Variants in PPP2R2C observed in about 807,000 individuals in gnomAD.
The protein encoded by PPP2R2C is protein phosphatase 2, regulatory subunit B, gamma.
Under a neutral mutation model 45.3 loss-of-function variants are expected in PPP2R2C, and 10 were observed. The observed-to-expected ratio is 0.22, with a 90% CI of 0.14 to 0.37. The LOEUF is 0.37. Among genes scored for constraint, PPP2R2C ranks in the 10% least tolerant of loss-of-function variants. The pLI, the probability that PPP2R2C is intolerant of heterozygous loss-of-function variation, is 1.00. For synonymous variants in PPP2R2C, 257 were observed against 245.4 expected (o/e 1.05, Z -0.44); for missense variants, 308 against 619.7 (o/e 0.50, Z 5.34).
At chr4:6,524,096 T>G (rs4370214) in intron 2 of PPP2R2C, among the ~76,000 whole-genome samples, 81,123 of 151,654 alleles carry the variant, frequency 0.53, 22,358 homozygotes, top group African/African-American at 0.63. Flanking sequence ...TATTTTTTTT[T>G]TTTTTAGTAG....
chr4:6,464,173 C>T (rs1721474287), intron 1 of PPP2R2C, among the ~76,000 whole-genome samples: 1 of 152,232 alleles, frequency 6.6e-6, no homozygotes, highest in African/African-American at 2.4e-5. Context: ...CACGCAGCCT[C>T]ATGTCCAGCA....
intron 5 of PPP2R2C, among the ~76,000 whole-genome samples, chr4:6,352,747 T>C (rs1712687260): frequency 6.6e-6 from 1 of 152,190 alleles, no homozygotes; most frequent in South Asian, 2.1e-4. Flanking sequence ...CTGCAGTGGG[T>C]TGAATAATGG....
intron 1 of PPP2R2C, among the ~76,000 whole-genome samples, chr4:6,413,606 C>A (rs1039849876): frequency 2.6e-5 from 4 of 152,170 alleles, no homozygotes; most frequent in Non-Finnish European, 5.9e-5. Context: ...AAGACCCGAC[C>A]CTGCTGTGAG....
At chr4:6,408,370 A>C (rs1717938461) in intron 1 of PPP2R2C, among the ~76,000 whole-genome samples, 1 of 152,142 alleles carries the variant, frequency 6.6e-6, no homozygotes, top group East Asian at 1.9e-4. Context: ...TCTTCACTGC[A>C]TGATCACATC....
intron 1 of PPP2R2C, among the ~76,000 whole-genome samples, chr4:6,453,002 G>A (rs1269638788): frequency 6.6e-6 from 1 of 152,220 alleles, no homozygotes; most frequent in Non-Finnish European, 1.5e-5. Flanking sequence ...GGCTGATCAG[G>A]ATAGAGCAGA....
At chr4:6,520,674 A>G (rs1234170076) in intron 2 of PPP2R2C, among the ~76,000 whole-genome samples, 2 of 152,166 alleles carry the variant, frequency 1.3e-5, no homozygotes, top group Non-Finnish European at 2.9e-5. Flanking sequence ...TCCACTTTGG[A>G]GACAGGATGC....
chr4:6,336,223 C>T (rs552060244), intron 6 of PPP2R2C, among the ~76,000 whole-genome samples: 2 of 152,204 alleles, frequency 1.3e-5, no homozygotes, highest in South Asian at 4.2e-4. Flanking sequence ...CGCCCCCAGT[C>T]CCCAGGCCTG....
At chr4:6,379,826 G>A (rs371228809) in intron 2 of PPP2R2C, among the ~76,000 whole-genome samples, 2 of 152,150 alleles carry the variant, frequency 1.3e-5, no homozygotes, top group South Asian at 2.1e-4. Flanking sequence ...CAGGGTCACC[G>A]TGAGGAGGGT....
At chr4:6,542,211 C>G (rs2108832503) in intron 1 of PPP2R2C, among the ~76,000 whole-genome samples, 1 of 152,324 alleles carries the variant, frequency 6.6e-6, no homozygotes, top group East Asian at 1.9e-4. Flanking sequence ...CCCTGGAGAT[C>G]TGCACTAAAC....
chr4:6,494,206 G>A (rs557584720), intron 2 of PPP2R2C, among the ~76,000 whole-genome samples: 2 of 152,176 alleles, frequency 1.3e-5, no homozygotes, highest in African/African-American at 2.4e-5. Flanking sequence ...ACAGCCAGGG[G>A]GCCCATACCA....
At chr4:6,538,578 G>A (rs1332429348) in intron 1 of PPP2R2C, among the ~76,000 whole-genome samples, 2 of 152,120 alleles carry the variant, frequency 1.3e-5, no homozygotes, top group Non-Finnish European at 1.5e-5. Context: ...TCTTCCAAAC[G>A]CCAATAACAC....
chr4:6,463,593 C>T (rs1721439901), intron 1 of PPP2R2C, among the ~76,000 whole-genome samples: 1 of 152,244 alleles, frequency 6.6e-6, no homozygotes, highest in African/African-American at 2.4e-5. Flanking sequence ...GTGTGTCCTG[C>T]TCCCGGGCCG....
rs1334563037 is a variant in PPP2R2C at position 6,562,467 on chromosome 4, T to TG, written c.-59+1092_-59+1093insC. ...ATAATGTGGGGAGGATTCAACGGAG[T>TG]CGGGGGGGGGGGTTGGATATTTGAA... On this transcript the variant is annotated intron_variant, in intron 1 of 9. Coordinates refer to the PPP2R2C transcript ENST00000506140. Among the ~76,000 whole-genome samples, 208 of 26,770 alleles carry TG rather than the reference T, an allele frequency of 7.8e-3. 1 individual carries two copies. The highest frequency in any genetic ancestry group is 0.016 in the African/African-American group (196 of 12,612). 17.6% of individuals were successfully genotyped at this position (26,770 alleles called of 152,430 possible).
chr4:6,356,457 G>A (rs919352611), intron 5 of PPP2R2C, among the ~76,000 whole-genome samples: 11 of 152,176 alleles, frequency 7.2e-5, no homozygotes, highest in African/African-American at 1.9e-4. Flanking sequence ...TCTTCCATAC[G>A]CCCTCCGTGG....
intron 5 of PPP2R2C, among the ~76,000 whole-genome samples, chr4:6,362,115 G>C (rs888430079): frequency 2.0e-5 from 3 of 152,104 alleles, no homozygotes; most frequent in Non-Finnish European, 4.4e-5. Context: ...ATGAGGGAGG[G>C]AGGCAGAGAG....
At chr4:6,467,060 G>A (rs1322143523) in intron 1 of PPP2R2C, among the ~76,000 whole-genome samples, 3 of 152,160 alleles carry the variant, frequency 2.0e-5, no homozygotes, top group Non-Finnish European at 2.9e-5. Flanking sequence ...GGCTCAGAAA[G>A]TGATGTGATT....
chr4:6,547,358 C>T lies in PPP2R2C; in HGVS notation c.-58-11981G>A, dbSNP rs530274751. Among the ~76,000 whole-genome samples, 8 of 152,058 alleles carry T rather than the reference C, an allele frequency of 5.3e-5. No individual in the cohort carries two copies. In the South Asian group the frequency reaches 8.4e-4, roughly 16 times the overall value. On this transcript the variant is annotated intron_variant, in intron 1 of 9. Coordinates refer to the PPP2R2C transcript ENST00000506140. The stretch of plus-strand genomic sequence containing the variant: ...TCCCTAATCTAACTTTCCTGAGTGT[C>T]TCGGTGAAACCATAAGAAGGTATGA...
At chr4:6,391,530 A>G (rs1716643602) in intron 1 of PPP2R2C, among the ~76,000 whole-genome samples, 1 of 152,372 alleles carries the variant, frequency 6.6e-6, no homozygotes. Context: ...GATGAGTTAC[A>G]TAAACATTTA....
intron 2 of PPP2R2C, among the ~76,000 whole-genome samples, chr4:6,528,380 G>C (rs569315619): frequency 6.6e-6 from 1 of 152,216 alleles, no homozygotes; most frequent in Non-Finnish European, 1.5e-5. Flanking sequence ...ACAGCTGAAG[G>C]GTGGCTGCCT....
Sources: gnomAD v4.1 joint callset for allele counts (sites outside exome capture counted in the v4.1 genomes callset) on GRCh38, gnomAD v4.1.1 for gene constraint, MANE v1.5 for transcripts, NCBI Gene and HGNC (gene_info 2026-07-23, HGNC 2026-07-21) for gene names.